Variants in EBAG9 observed in about 807,000 individuals in gnomAD.
EBAG9 encodes the protein estrogen receptor binding site associated antigen 9, also known as receptor-binding cancer antigen expressed on SiSo cells.
In EBAG9, 16 loss-of-function variants were observed where a neutral mutation model predicts 30.9. The ratio of observed to expected loss-of-function variants is 0.52; its 90% CI spans 0.35 to 0.79. The LOEUF (loss-of-function observed/expected upper bound fraction) is 0.79. EBAG9 is among the 30% of genes least tolerant of loss of function. The pLI is 0.01. For missense variants in EBAG9, 197 were observed against 242.1 expected (o/e 0.81, Z 1.24); for synonymous variants, 93 against 82.8 (o/e 1.12, Z -0.67).
chr8:109,542,874 G>C (rs1300086423), intron 1 of EBAG9, among the ~76,000 whole-genome samples: 1 of 152,086 alleles, frequency 6.6e-6, no homozygotes, highest in Non-Finnish European at 1.5e-5. Flanking sequence ...CTTGGGAAGA[G>C]TAAAATACTA....
intron 5 of EBAG9, among the ~76,000 whole-genome samples, chr8:109,559,467 A>G (rs903207926): frequency 7.9e-5 from 12 of 152,192 alleles, no homozygotes; most frequent in African/African-American, 2.9e-4. Context: ...CAAACAAAAC[A>G]AAGTAAAATA....
In EBAG9 at chr8:109,540,467, A is replaced by G. The variant is rs1026976371; in HGVS notation, c.-16+6A>G. 1.3e-5 allele frequency: 2 copies of G among 151,482 alleles called. No homozygotes were observed. The highest frequency in any genetic ancestry group is 2.9e-5 in the Non-Finnish European group (2 of 67,862). The allele number at this position is 151,482 out of a possible 1,614,324, so 9.4% of individuals were successfully genotyped here. ...TTTTCTCATCTGTGCAGTGGGTATG[A>G]TTTTTTTTTCATCAACAAATTTCAC... is the stretch of plus-strand genomic sequence containing the variant. On this transcript the variant is annotated splice_donor_region_variant and intron_variant, in intron 1 of 6. Coordinates refer to ENST00000337573, the MANE Select transcript of EBAG9 (RefSeq NM_004215.5).
chr8:109,563,544 T>C, intron 6 of EBAG9: 1 of 1,586,282 alleles, frequency 6.3e-7, no homozygotes, highest in South Asian at 1.1e-5. Flanking sequence ...AGGTATGTAT[T>C]TCACAAAGTA....
At chr8:109,545,082 G>A (rs1228762208) in intron 1 of EBAG9, among the ~76,000 whole-genome samples, 2 of 151,972 alleles carry the variant, frequency 1.3e-5, no homozygotes, top group Non-Finnish European at 2.9e-5. Context: ...CAGCACTTTG[G>A]GAGGCTGAGG....
chr8:109,563,353 A>G (rs780691436), intron 6 of EBAG9: 2 of 1,586,102 alleles, frequency 1.3e-6, no homozygotes, highest in Non-Finnish European at 1.7e-6. Context: ...TTCCTTCCTC[A>G]ACGTTGCATA....
chr8:109,549,050 GT>G (rs1435797990), intron 1 of EBAG9, among the ~76,000 whole-genome samples: 1 of 150,754 alleles, frequency 6.6e-6, no homozygotes, highest in Admixed American at 6.6e-5. Flanking sequence ...TTTCATAGAT[GT>G]TTTTGATCAG....
chr8:109,559,604 G>C (rs1317592087), intron 5 of EBAG9, among the ~76,000 whole-genome samples: 6 of 152,108 alleles, frequency 3.9e-5, no homozygotes. Context: ...TTGAGTTCAG[G>C]AGTTCAAGAC....
intron 1 of EBAG9, among the ~76,000 whole-genome samples, chr8:109,544,946 T>C (rs1417604718): frequency 2.0e-5 from 3 of 152,172 alleles, no homozygotes; most frequent in Non-Finnish European, 1.5e-5. Flanking sequence ...GCAGTACATA[T>C]ATAGTATACA....
rs1821804874 is a variant in EBAG9, at chr8:109,565,303, G to A, written c.*744G>A. The A allele has an allele frequency of 6.6e-6, 1 of 152,262 alleles. No homozygotes were observed. Among genetic ancestry groups the A allele is most frequent in the Non-Finnish European group, 1.5e-5 (1 of 67,916 alleles). 9.4% of individuals were successfully genotyped at this position (152,262 alleles called of 1,614,324 possible). A position where few individuals can be genotyped will look rare whatever the true frequency, so the allele number is the denominator to read the frequency against. On this transcript the variant is annotated 3_prime_UTR_variant, in exon 7 of 7. Transcript: ENST00000337573. ...TGAGTTTCAAGAACTAGTATTAGTA[G>A]TTTTTTCCTTTCATTATAGATTGTA...
intron 6 of EBAG9, among the ~76,000 whole-genome samples, 189 bp from the exon 7 acceptor site, chr8:109,564,250 T>C (rs777785963): frequency 2.6e-5 from 4 of 152,110 alleles, no homozygotes; most frequent in African/African-American, 9.7e-5. Flanking sequence ...ATTTCACAAG[T>C]CACGTTCTAA....
intron 2 of EBAG9, among the ~76,000 whole-genome samples, chr8:109,551,427 C>T (rs947204642): frequency 3.3e-5 from 5 of 152,034 alleles, no homozygotes; most frequent in African/African-American, 9.7e-5. Context: ...CTGTAGACTT[C>T]AGTTCCTTCT....
chr8:109,563,486 TAGAG>T (rs775051796), intron 6 of EBAG9: 24 of 1,597,384 alleles, frequency 1.5e-5, no homozygotes, highest in Middle Eastern at 1.7e-4. Context: ...TCAGTAAAGA[TAGAG>T]AGAGTGAGTC....
intron 6 of EBAG9, chr8:109,563,407 A>G: frequency 6.3e-7 from 1 of 1,597,170 alleles, no homozygotes; most frequent in Non-Finnish European, 8.5e-7. Flanking sequence ...ATCCAGGACC[A>G]ATGTATGTTT....
At chr8:109,543,523 A>G (rs1160502055) in intron 1 of EBAG9, among the ~76,000 whole-genome samples, 1 of 152,172 alleles carries the variant, frequency 6.6e-6, no homozygotes, top group Non-Finnish European at 1.5e-5. Flanking sequence ...GTATTGAGGT[A>G]TAGCATACAA....
chr8:109,541,222 A>G (rs1821267499), intron 1 of EBAG9, among the ~76,000 whole-genome samples: 1 of 152,192 alleles, frequency 6.6e-6, no homozygotes, highest in Admixed American at 6.5e-5. Flanking sequence ...ATTAGATTAT[A>G]TTAACATTGT....
Position 109,548,887 on chromosome 8 carries a change from CTTTTTTT to C in EBAG9, c.-15-1912_-15-1906del, listed in dbSNP as rs548152043. Reference sequence around the variant, plus strand: ...TTTCTTTTCTATTTTTTTCTTTTTTCTTTTTTTTTTTTTTTTTGCTGGATTGCATTGG... The same window carrying C: ...TTTCTTTTCTATTTTTTTCTTTTTTCTTTTTTTTTTGCTGGATTGCATTGG... On this transcript the variant is annotated intron_variant, in intron 1 of 6. Transcript: ENST00000337573. 6.4e-5 allele frequency among the ~76,000 whole-genome samples: 8 copies of C among 125,118 alleles called. No homozygotes were observed. In the East Asian group the frequency reaches 1.1e-3, roughly 17 times the overall value. 82.1% of individuals were successfully genotyped at this position (125,118 alleles called of 152,430 possible).
At chr8:109,556,813 A>T (rs1317349222) in intron 4 of EBAG9, 122 bp from the exon 5 acceptor site, 2 of 454,518 alleles carry the variant, frequency 4.4e-6, no homozygotes, top group Middle Eastern at 6.3e-4. Context: ...CTTTTTTTTT[A>T]GTTTTTACAT....
chr8:109,550,582 ACT>A, intron 1 of EBAG9: 1 of 341,638 alleles, frequency 2.9e-6, no homozygotes. Flanking sequence ...ATTTTCAAAA[ACT>A]CAGAATGAAG....
chr8:109,544,301 T>G (rs1821340239), intron 1 of EBAG9, among the ~76,000 whole-genome samples: 1 of 152,150 alleles, frequency 6.6e-6, no homozygotes, highest in Non-Finnish European at 1.5e-5. Flanking sequence ...TGCTTTTTTA[T>G]TCTGGGAAAA....
Sources: allele counts gnomAD v4.1 joint callset (sites outside exome capture counted in the v4.1 genomes callset), GRCh38; gene constraint gnomAD v4.1.1; transcripts MANE v1.5; gene names NCBI Gene and HGNC (gene_info 2026-07-23, HGNC 2026-07-21).